The following NAALADL2 variants were observed in gnomAD, a reference collection of about 807,000 sequenced individuals.
NAALADL2 encodes inactive N-acetylated-alpha-linked acidic dipeptidase-like protein 2.
In NAALADL2, 76 loss-of-function variants were observed where a neutral mutation model predicts 87.2. The observed-to-expected ratio is 0.87, with a 90% CI of 0.72 to 1.05. NAALADL2 has a LOEUF of 1.05. NAALADL2 is among the 50% of genes least tolerant of loss of function. The pLI, the probability that NAALADL2 is intolerant of heterozygous loss-of-function variation, is 0.00. For synonymous variants in NAALADL2, 354 were observed against 331.0 expected (o/e 1.07, Z -0.75); for missense variants, 1,089 against 945.8 (o/e 1.15, Z -1.99).
In NAALADL2 at chr3:174,453,797, G is replaced by A. The variant is rs112490199; in HGVS notation, c.-184+12765G>A. Reference sequence around the variant, plus strand: ...CAGAAAGGAGAGACCATTACCAGCCGCTACAAAAACACTTAAGGACACAAA... The same window carrying A: ...CAGAAAGGAGAGACCATTACCAGCCACTACAAAAACACTTAAGGACACAAA... On this transcript the variant is annotated intron_variant, in intron 1 of 3. Transcript: ENST00000434257. Among the ~76,000 whole-genome samples, 889 of 152,104 alleles carry A rather than the reference G, an allele frequency of 5.8e-3. 12 individuals carry two copies. The highest frequency in any genetic ancestry group is 0.019 in the African/African-American group (770 of 41,522).
At chr3:175,786,686 T>G (rs959421670) in intron 13 of NAALADL2, among the ~76,000 whole-genome samples, 2 of 152,210 alleles carry the variant, frequency 1.3e-5, no homozygotes, top group Admixed American at 6.5e-5. Flanking sequence ...GTCTGAAGCC[T>G]TCTTCTCTCA....
chr3:174,515,366 A>T (rs1293268796), intron 1 of NAALADL2, among the ~76,000 whole-genome samples: 1 of 152,068 alleles, frequency 6.6e-6, no homozygotes, highest in African/African-American at 2.4e-5. Context: ...TCTCATTTTT[A>T]AAAATGGGGC....
In NAALADL2 at chr3:174,930,614, C is replaced by CTTTTTTTTTTTTTTTTTT. The variant is rs760690405; in HGVS notation, c.43+71172_43+71189dup. Among the ~76,000 whole-genome samples the CTTTTTTTTTTTTTTTTTT allele has an allele frequency of 2.1e-4, 14 of 66,818 alleles. 1 individual carries two copies. The highest frequency in any genetic ancestry group is 4.6e-4 in the Admixed American group (2 of 4,392). 43.8% of individuals were successfully genotyped at this position (66,818 alleles called of 152,430 possible). A position where few individuals can be genotyped will look rare whatever the true frequency, so the allele number is the denominator to read the frequency against. ...TTGCAAGTCCTTTAAATAAGATGAA[C>CTTTTTTTTTTTTTTTTTT]TTTTTTTTTTTTTTTTTTTTTTTTT... On this transcript the variant is annotated intron_variant, in intron 1 of 13. Coordinates refer to ENST00000454872, the MANE Select transcript of NAALADL2 (RefSeq NM_207015.3).
chr3:174,608,648 C>A (rs374347822), intron 2 of NAALADL2, among the ~76,000 whole-genome samples: 12 of 151,950 alleles, frequency 7.9e-5, no homozygotes, highest in South Asian at 6.3e-4. Flanking sequence ...CAATAACAGG[C>A]TCTGAAATTG....
intron 2 of NAALADL2, among the ~76,000 whole-genome samples, chr3:174,737,461 A>T (rs1260550738): frequency 6.6e-6 from 1 of 152,250 alleles, no homozygotes. Flanking sequence ...GTATGCTTTA[A>T]AAATAAAAAG....
At chr3:174,964,450 T>C (rs2108575680) in intron 1 of NAALADL2, among the ~76,000 whole-genome samples, 1 of 152,158 alleles carries the variant, frequency 6.6e-6, no homozygotes. Context: ...TATGAAGCCC[T>C]GATATTGGAT....
chr3:174,565,683 G>C (rs1714172514), intron 2 of NAALADL2, among the ~76,000 whole-genome samples: 2 of 152,014 alleles, frequency 1.3e-5, no homozygotes, highest in South Asian at 4.1e-4. Context: ...CATTTGGGGT[G>C]AATGCTAAAG....
intron 2 of NAALADL2, among the ~76,000 whole-genome samples, chr3:175,180,385 C>A (rs1039116895): frequency 5.3e-5 from 8 of 151,886 alleles, no homozygotes; most frequent in Non-Finnish European, 1.2e-4. Context: ...CCCAACACCA[C>A]CTTTATATTG....
At chr3:174,651,430 A>C (rs1724352344) in intron 2 of NAALADL2, among the ~76,000 whole-genome samples, 1 of 152,226 alleles carries the variant, frequency 6.6e-6, no homozygotes, top group Non-Finnish European at 1.5e-5. Context: ...CAATATTAAG[A>C]AAAGGCATTG....
intron 1 of NAALADL2, among the ~76,000 whole-genome samples, chr3:175,028,879 G>A (rs568008055): frequency 2.6e-5 from 4 of 151,688 alleles, no homozygotes; most frequent in African/African-American, 7.2e-5. Flanking sequence ...TCACTTCGTA[G>A]TGTTTCTTTG....
chr3:175,241,115 C>T (rs1746796190), intron 3 of NAALADL2, among the ~76,000 whole-genome samples: 1 of 152,204 alleles, frequency 6.6e-6, no homozygotes, highest in Non-Finnish European at 1.5e-5. Context: ...AATCTGCATA[C>T]AGTCCCTTGG....
At chr3:175,486,801 C>T (rs1727343549) in intron 9 of NAALADL2, among the ~76,000 whole-genome samples, 1 of 152,040 alleles carries the variant, frequency 6.6e-6, no homozygotes, top group African/African-American at 2.4e-5. Context: ...AGGACAAAGA[C>T]CTTGGAGACC....
At chr3:175,163,804 G>A (rs990877256) in intron 2 of NAALADL2, among the ~76,000 whole-genome samples, 4 of 152,144 alleles carry the variant, frequency 2.6e-5, no homozygotes, top group Admixed American at 1.3e-4. Context: ...CCTTGGGTGA[G>A]TACCAGAGGG....
chr3:174,550,906 A>G (rs1364424887), intron 2 of NAALADL2: 1 of 152,080 alleles, frequency 6.6e-6, no homozygotes, highest in East Asian at 1.9e-4. Context: ...TATGTTCTCT[A>G]TATTTTTATC....
chr3:175,427,175 A>G (rs1311250546), intron 5 of NAALADL2, among the ~76,000 whole-genome samples: 3 of 152,246 alleles, frequency 2.0e-5, no homozygotes, highest in Non-Finnish European at 4.4e-5. Context: ...GGACTCAGAA[A>G]GAATCAAACT....
At chr3:174,559,136 C>T (rs923484624) in intron 2 of NAALADL2, among the ~76,000 whole-genome samples, 32 of 152,194 alleles carry the variant, frequency 2.1e-4, no homozygotes, top group Non-Finnish European at 3.2e-4. Flanking sequence ...TATCAGGAGA[C>T]CCTGTGTATT....
rs147203953 is a variant in NAALADL2, at chr3:175,634,166, A to G, written c.1896+6780A>G. On this transcript the variant is annotated intron_variant, in intron 11 of 13. Coordinates refer to ENST00000454872, the MANE Select transcript of NAALADL2 (RefSeq NM_207015.3). ...GGGTCATCAATGATTTAAAAATTTT[A>G]ATAATTTTAATTGTTAACCATTTCT... is the stretch of plus-strand genomic sequence containing the variant. Among the ~76,000 whole-genome samples the G allele has an allele frequency of 4.0e-4, 61 of 151,998 alleles. No individual in the cohort carries two copies. The East Asian group carries it at 0.011, about 28-fold the overall frequency.
At chr3:175,091,048 A>AT (rs1270750391) in intron 1 of NAALADL2, among the ~76,000 whole-genome samples, 1 of 152,062 alleles carries the variant, frequency 6.6e-6, no homozygotes, top group Non-Finnish European at 1.5e-5. Flanking sequence ...TTATAGTTTT[A>AT]TTTTTTGCCT....
intron 3 of NAALADL2, among the ~76,000 whole-genome samples, chr3:174,747,621 CAAAAAAAA>C (rs150843588): frequency 2.6e-5 from 1 of 38,660 alleles, no homozygotes; most frequent in Non-Finnish European, 4.3e-5. Context: ...GACCCCATCT[CAAAAAAAA>C]AAAAAAAAAA....
Sources: gnomAD v4.1 joint callset for allele counts (sites outside exome capture counted in the v4.1 genomes callset) on GRCh38, gnomAD v4.1.1 for gene constraint, MANE v1.5 for transcripts, NCBI Gene and HGNC (gene_info 2026-07-23, HGNC 2026-07-21) for gene names.